Variants in PATJ observed in about 807,000 individuals in gnomAD.
PATJ encodes the protein inaD-like protein.
In PATJ, 190 loss-of-function variants were observed where a neutral mutation model predicts 224.9. The observed-to-expected ratio is 0.84, with a 90% CI of 0.75 to 0.95. The LOEUF is 0.95. Among genes scored for constraint, PATJ ranks in the 40% least tolerant of loss-of-function variants. PATJ has a pLI of 0.00. For synonymous variants in PATJ, 769 were observed against 820.3 expected (o/e 0.94, Z 1.07); for missense variants, 2,121 against 2,270.3 (o/e 0.93, Z 1.34).
Position 62,050,968 on chromosome 1 carries a change from T to C in PATJ, c.4035T>C (p.Asp1345=), listed in dbSNP as rs1353110216. Reference sequence around the variant, plus strand: ...ATTTTCTTTTTAACGTTCCATAGGATCAGAGCGGCACCGAACCTATTAGTA... The same window carrying C: ...ATTTTCTTTTTAACGTTCCATAGGACCAGAGCGGCACCGAACCTATTAGTA... ...VPSSSPSSIE[D]QSGTEPISSE... is the part of the protein sequence containing the mutation. The change falls in exon 31 of 44, where the codon GAT becomes GAC. Residue 1345 remains aspartate, a splice_region_variant and synonymous_variant. Transcript: ENST00000642238. 6.2e-7 allele frequency: 1 copy of C among 1,613,036 alleles called. No homozygotes were observed. The highest frequency in any genetic ancestry group is 8.5e-7 in the Non-Finnish European group (1 of 1,179,072).
At chr1:62,160,425 A>T (rs1483279629) in intron 43 of PATJ, among the ~76,000 whole-genome samples, 1 of 152,336 alleles carries the variant, frequency 6.6e-6, no homozygotes, top group Non-Finnish European at 1.5e-5. Context: ...TTCACTTACC[A>T]TACAATTCAC....
At position 62,144,733 on chromosome 1, in the gene PATJ, A is replaced by G. The variant is rs557193249; in HGVS notation, c.5272-3551A>G. 2.3e-4 allele frequency among the ~76,000 whole-genome samples: 33 copies of G among 141,596 alleles called. No homozygotes were observed. In the South Asian group the frequency reaches 6.5e-3, roughly 28 times the overall value. The allele number at this position is 141,596 out of a possible 152,430, so 92.9% of individuals were successfully genotyped here. A position where few individuals can be genotyped will look rare whatever the true frequency, so the allele number is the denominator to read the frequency against. ...TGTTGTGGACTCCCAGAGCTATACT[A>G]TATTTCTTCTAAATGCTCTAGAATG... On this transcript the variant is annotated intron_variant, in intron 41 of 43. Coordinates refer to ENST00000642238, the MANE Select transcript of PATJ (RefSeq NM_001350145.3).
chr1:61,908,528 T>A, intron 25 of PATJ, 46 bp downstream of exon 25: 1 of 1,173,768 alleles, frequency 8.5e-7, no homozygotes, highest in Non-Finnish European at 1.3e-6. Context: ...ACACTCTGTA[T>A]ACCTGCAGAC....
chr1:61,915,537 C>G (rs964531764), intron 26 of PATJ, among the ~76,000 whole-genome samples: 7 of 151,880 alleles, frequency 4.6e-5, no homozygotes, highest in Non-Finnish European at 1.0e-4. Context: ...ACAAAAGTTT[C>G]TTTTGGGATT....
intron 18 of PATJ, 149 bp from the exon 19 acceptor site, chr1:61,861,402 G>A: frequency 2.6e-6 from 1 of 382,212 alleles, no homozygotes. Context: ...AGGTATATGT[G>A]TGCATTGGTG....
At chr1:62,042,346 C>T (rs531157870) in intron 30 of PATJ, among the ~76,000 whole-genome samples, 85 of 152,218 alleles carry the variant, frequency 5.6e-4, no homozygotes, top group African/African-American at 2.0e-3. Context: ...CTCCTGTGGG[C>T]GGTATGTGAA....
chr1:61,951,806 G>T (rs558722033), intron 27 of PATJ, among the ~76,000 whole-genome samples: 10 of 152,120 alleles, frequency 6.6e-5, no homozygotes, highest in Non-Finnish European at 1.2e-4. Context: ...ATGATTCAAT[G>T]CTGGGAGCAT....
chr1:61,788,119 C>A, intron 8 of PATJ, 147 bp downstream of exon 8: 1 of 611,608 alleles, frequency 1.6e-6, no homozygotes, highest in Non-Finnish European at 2.8e-6. Context: ...TATTGGGAGA[C>A]ATTAGACATG....
intron 20 of PATJ, among the ~76,000 whole-genome samples, chr1:61,866,684 T>C (rs1165689223): frequency 1.3e-5 from 2 of 152,168 alleles, no homozygotes; most frequent in Admixed American, 6.6e-5. Context: ...AATATAACTG[T>C]TACCGGAAAG....
chr1:62,114,910 TA>T (rs1007326821), intron 35 of PATJ: 666 of 130,614 alleles, frequency 5.1e-3, no homozygotes, highest in Middle Eastern at 7.8e-3. Context: ...ATCTGTAAAT[TA>T]AAAAAAAAAA....
intron 20 of PATJ, among the ~76,000 whole-genome samples, chr1:61,869,268 G>A (rs988911679): frequency 1.7e-4 from 25 of 150,722 alleles, no homozygotes; most frequent in East Asian, 5.9e-4. Flanking sequence ...CACTACGCCC[G>A]GCTAATTTTT....
At chr1:61,864,672 G>C (rs1296305512) in intron 20 of PATJ, 39 bp downstream of exon 20, 1 of 1,534,438 alleles carries the variant, frequency 6.5e-7, no homozygotes, top group African/African-American at 1.4e-5. Context: ...CTCCCCTTCT[G>C]CTCTCCTCGC....
In PATJ at chr1:61,851,164, AT is replaced by A. The variant is rs1342510241; in HGVS notation, c.2113-4862del. 5.9e-5 allele frequency among the ~76,000 whole-genome samples: 9 copies of A among 152,372 alleles called. No individual in the cohort carries two copies. The Middle Eastern group carries it at 0.014, about 230-fold the overall frequency. On this transcript the variant is annotated intron_variant, in intron 17 of 43. Coordinates refer to ENST00000642238, the MANE Select transcript of PATJ (RefSeq NM_001350145.3). ...ATAATTTCAGTAAAATGTAAAAAGTATTTTAATGAAGAAAATGCAACAAGCT... is the reference window on the plus strand; with the variant it reads ...ATAATTTCAGTAAAATGTAAAAAGTATTTAATGAAGAAAATGCAACAAGCT...
At chr1:61,994,257 A>G (rs1056474891) in intron 28 of PATJ, among the ~76,000 whole-genome samples, 6 of 152,150 alleles carry the variant, frequency 3.9e-5, no homozygotes, top group Non-Finnish European at 7.4e-5. Context: ...AACAAAATAC[A>G]TAATACCTGC....
At chr1:61,812,164 A>G (rs1654905575) in intron 14 of PATJ, among the ~76,000 whole-genome samples, 1 of 152,034 alleles carries the variant, frequency 6.6e-6, no homozygotes, top group Non-Finnish European at 1.5e-5. Context: ...AGTAATTCCA[A>G]TATCTGGATC....
chr1:61,943,054 A>G (rs1678054995), intron 27 of PATJ, among the ~76,000 whole-genome samples: 1 of 152,220 alleles, frequency 6.6e-6, no homozygotes, highest in Admixed American at 6.5e-5. Context: ...GTGTATATCC[A>G]TACAGTGGAA....
intron 29 of PATJ, among the ~76,000 whole-genome samples, chr1:62,019,263 G>A (rs1430919379): frequency 2.7e-5 from 4 of 147,498 alleles, no homozygotes; most frequent in South Asian, 2.2e-4. Context: ...AAAAAAGGCC[G>A]GGCATGGTGG....
chr1:61,945,971 G>A (rs146863728), intron 27 of PATJ, among the ~76,000 whole-genome samples: 2,956 of 152,212 alleles, frequency 0.019, 119 homozygotes, highest in African/African-American at 0.068. Flanking sequence ...TGACTACTGG[G>A]TACATAATGA....
chr1:61,988,716 A>G (rs1022661618), intron 27 of PATJ, among the ~76,000 whole-genome samples: 2 of 152,198 alleles, frequency 1.3e-5, no homozygotes, highest in Admixed American at 1.3e-4. Context: ...CTTTTATTAT[A>G]AATTTATGCA....
Sources: allele counts gnomAD v4.1 joint callset (sites outside exome capture counted in the v4.1 genomes callset), GRCh38; gene constraint gnomAD v4.1.1; transcripts MANE v1.5; gene names NCBI Gene and HGNC (gene_info 2026-07-23, HGNC 2026-07-21).